MTCL2: variants seen among roughly 807,000 people sequenced by gnomAD.
The protein encoded by MTCL2 is microtubule cross-linking factor 2.
At chr20:36,791,727 G>C in the MTCL2 span, among the ~76,000 whole-genome samples, 1 of 152,200 alleles carries the variant, frequency 6.6e-6, no homozygotes, top group African/African-American at 2.4e-5. Context: ...TCAGAGCTGG[G>C]ACAGCCCACC....
chr20:36,834,884 C>T, the MTCL2 span, among the ~76,000 whole-genome samples: 6 of 152,004 alleles, frequency 3.9e-5, no homozygotes, highest in East Asian at 3.9e-4. Flanking sequence ...TGCCTGTAAT[C>T]CCAGCTACTT....
the MTCL2 span, among the ~76,000 whole-genome samples, chr20:36,816,581 G>A: frequency 6.6e-6 from 1 of 152,022 alleles, no homozygotes; most frequent in Non-Finnish European, 1.5e-5. Context: ...AAAATGGGGC[G>A]GTAACATTAC....
the MTCL2 span, chr20:36,859,757 G>A: frequency 8.1e-7 from 1 of 1,231,742 alleles, no homozygotes; most frequent in Non-Finnish European, 1.0e-6. Flanking sequence ...CAGACCTGGT[G>A]GGACCTCCTT....
At chr20:36,855,151 G>A in the MTCL2 span, among the ~76,000 whole-genome samples, 3 of 152,194 alleles carry the variant, frequency 2.0e-5, no homozygotes, top group East Asian at 1.9e-4. Context: ...GTCCTTCCCA[G>A]GAGCCAGACC....
the MTCL2 span, among the ~76,000 whole-genome samples, chr20:36,850,927 T>A: frequency 6.6e-6 from 1 of 152,084 alleles, no homozygotes; most frequent in African/African-American, 2.4e-5. Flanking sequence ...GAAGCTCACA[T>A]GCAGGAAGCT....
chr20:36,841,755 G>A, the MTCL2 span, among the ~76,000 whole-genome samples: 1 of 152,074 alleles, frequency 6.6e-6, no homozygotes, highest in Admixed American at 6.6e-5. Flanking sequence ...CTGGAGTGCG[G>A]TGGCAAAATC....
the MTCL2 span, among the ~76,000 whole-genome samples, chr20:36,807,270 T>C: frequency 6.6e-6 from 1 of 152,158 alleles, no homozygotes. Flanking sequence ...CAGGTCTAAC[T>C]GTCTTGCCTG....
chr20:36,780,802 T>C, the MTCL2 span: 1 of 152,226 alleles, frequency 6.6e-6, no homozygotes, highest in South Asian at 2.1e-4. Flanking sequence ...TTTTTTTAAA[T>C]AGTCACCTGG....
the MTCL2 span, chr20:36,817,593 C>A: frequency 2.4e-6 from 2 of 824,454 alleles, no homozygotes; most frequent in Non-Finnish European, 1.8e-6. Context: ...CCAGGCCACC[C>A]CACCCTGATG....
At chr20:36,812,188 C>T in the MTCL2 span, among the ~76,000 whole-genome samples, 1 of 152,314 alleles carries the variant, frequency 6.6e-6, no homozygotes, top group Non-Finnish European at 1.5e-5. Context: ...TCATCCTCCT[C>T]CTCCTCCTCA....
chr20:36,852,391 C>T, the MTCL2 span, among the ~76,000 whole-genome samples: 1 of 152,198 alleles, frequency 6.6e-6, no homozygotes, highest in South Asian at 2.1e-4. Flanking sequence ...ATGCCAGCCC[C>T]ACCCAAGAGG....
the MTCL2 span, among the ~76,000 whole-genome samples, chr20:36,828,321 T>A: frequency 1.3e-5 from 2 of 152,134 alleles, no homozygotes; most frequent in Admixed American, 1.3e-4. Flanking sequence ...GGCCTTGAGG[T>A]TGTCCCTCCC....
At chr20:36,793,633 A>G in the MTCL2 span, 1 of 1,551,326 alleles carries the variant, frequency 6.4e-7, no homozygotes, top group Admixed American at 2.0e-5. The surrounding 1 kb of genome is among the most constrained non-coding windows in gnomAD (Gnocchi z 6.8). Context: ...TTCTCAATAC[A>G]GGGCTGTCCC....
chr20:36,836,341 A>ATTTTT, the MTCL2 span, among the ~76,000 whole-genome samples: 1 of 85,404 alleles, frequency 1.2e-5, no homozygotes, highest in African/African-American at 5.4e-5. Flanking sequence ...CGCCCAGCTA[A>ATTTTT]TTTTTTTTTT....
At chr20:36,819,814 G>T in the MTCL2 span, among the ~76,000 whole-genome samples, 1 of 152,180 alleles carries the variant, frequency 6.6e-6, no homozygotes, top group South Asian at 2.1e-4. Flanking sequence ...AAATGAGGCA[G>T]GGAGGCAGAG....
the MTCL2 span, chr20:36,778,252 C>G: frequency 6.3e-6 from 1 of 157,700 alleles, no homozygotes; most frequent in African/African-American, 2.4e-5. Flanking sequence ...TGTTTTCCAC[C>G]TGTTCTTGGC....
the MTCL2 span, chr20:36,805,940 C>A: frequency 6.2e-7 from 1 of 1,609,542 alleles, no homozygotes; most frequent in South Asian, 1.1e-5. Flanking sequence ...GCAAGTACAG[C>A]TCCTTCATGC....
chr20:36,848,594 C>T, the MTCL2 span, among the ~76,000 whole-genome samples: 1 of 152,234 alleles, frequency 6.6e-6, no homozygotes, highest in Admixed American at 6.5e-5. Flanking sequence ...CCATGTTCTA[C>T]AGATGAAGAA....
At chr20:36,849,175 C>CTTTT in the MTCL2 span, among the ~76,000 whole-genome samples, 1 of 143,010 alleles carries the variant, frequency 7.0e-6, no homozygotes, top group Non-Finnish European at 1.5e-5. Flanking sequence ...GATTCTCCCA[C>CTTTT]CTCAGCCTCC....
Sources: gnomAD v4.1 joint callset for allele counts (sites outside exome capture counted in the v4.1 genomes callset) on GRCh38, gnomAD v4.1.1 for gene constraint, Gnocchi (gnomAD v3.1) non-coding constraint, MANE v1.5 for transcripts, NCBI Gene and HGNC (gene_info 2026-07-23, HGNC 2026-07-21) for gene names.